The following CNTNAP2 variants were observed in gnomAD, a reference collection of about 807,000 sequenced individuals.
The protein encoded by CNTNAP2 is contactin associated protein 2, also known as contactin-associated protein-like 2.
Under a neutral mutation model 155.2 loss-of-function variants are expected in CNTNAP2, and 98 were observed. The ratio of observed to expected loss-of-function variants is 0.63; its 90% confidence interval spans 0.54 to 0.75. The LOEUF is 0.75. Among genes scored for constraint, CNTNAP2 ranks in the 30% least tolerant of loss-of-function variants. CNTNAP2 has a pLI of 0.00. For missense variants in CNTNAP2, 1,727 were observed against 1,688.1 expected (o/e 1.02, Z -0.40); for synonymous variants, 651 against 631.2 (o/e 1.03, Z -0.47).
At chr7:146,873,961 T>A (rs369618351) in intron 3 of CNTNAP2, among the ~76,000 whole-genome samples, 1 of 152,170 alleles carries the variant, frequency 6.6e-6, no homozygotes, top group Admixed American at 6.6e-5. Context: ...CCTACAAGAG[T>A]TCATGATTTG....
intron 11 of CNTNAP2, among the ~76,000 whole-genome samples, chr7:147,490,788 T>C (rs1425581417): frequency 6.6e-6 from 1 of 152,188 alleles, no homozygotes; most frequent in Admixed American, 6.5e-5. Flanking sequence ...GAAAAGGGGT[T>C]TGACTCACAG....
rs371884594 is a variant in CNTNAP2 at position 148,330,992 on chromosome 7, C to T, written c.3476-52657C>T. Among the ~76,000 whole-genome samples the T allele has an allele frequency of 8.2e-4, 104 of 126,072 alleles. 2 individuals carry two copies. The highest frequency in any genetic ancestry group is 2.8e-3 in the African/African-American group (89 of 31,664). The allele number at this position is 126,072 out of a possible 152,430, so 82.7% of individuals were successfully genotyped here. A position where few individuals can be genotyped will look rare whatever the true frequency, so the allele number is the denominator to read the frequency against. On this transcript the variant is annotated intron_variant, in intron 21 of 23. Coordinates refer to ENST00000361727, the MANE Select transcript of CNTNAP2 (RefSeq NM_014141.6). ...GGATAGAGTAGATGGATGGAATGAA[C>T]GCATGGAATGAATGGATGGAATGGA...
chr7:148,012,065 T>C (rs918786611), intron 15 of CNTNAP2, among the ~76,000 whole-genome samples: 1 of 152,146 alleles, frequency 6.6e-6, no homozygotes, highest in African/African-American at 2.4e-5. Context: ...TCTTCCCCAT[T>C]TTTTTGGTTT....
chr7:148,268,603 C>T (rs575121077), intron 21 of CNTNAP2, among the ~76,000 whole-genome samples: 402 of 151,942 alleles, frequency 2.6e-3, no homozygotes, highest in Non-Finnish European at 5.0e-3. Flanking sequence ...TACAGTGAGC[C>T]GAGATCACGC....
chr7:147,124,196 A>G lies in CNTNAP2; in HGVS notation c.939+3033A>G, dbSNP rs900348561. Among the ~76,000 whole-genome samples the G allele has an allele frequency of 2.0e-5, 3 of 152,174 alleles. No homozygotes were observed. In the South Asian group the frequency reaches 6.2e-4, roughly 32 times the overall value. The stretch of plus-strand genomic sequence containing the variant: ...TTAGCTTCAAACCTAAAATAATACA[A>G]ATTATACAACATTCATTCCTGAACT... On this transcript the variant is annotated intron_variant, in intron 6 of 23. Transcript: ENST00000361727.
At chr7:147,145,844 C>T (rs1801691058) in intron 8 of CNTNAP2, among the ~76,000 whole-genome samples, 1 of 152,150 alleles carries the variant, frequency 6.6e-6, no homozygotes, top group Admixed American at 6.5e-5. Context: ...TGGGTATGGT[C>T]AGAATAAAGT....
At chr7:147,807,322 C>CA (rs768465391) in intron 13 of CNTNAP2, among the ~76,000 whole-genome samples, 1,392 of 64,648 alleles carry the variant, frequency 0.022, 21 homozygotes, top group African/African-American at 0.051. Context: ...GTCCTTGACT[C>CA]AAAAAAAAAA....
At chr7:148,136,762 G>GA (rs1258019985) in intron 16 of CNTNAP2, among the ~76,000 whole-genome samples, 1 of 152,056 alleles carries the variant, frequency 6.6e-6, no homozygotes, top group Non-Finnish European at 1.5e-5. Flanking sequence ...CTACTCTACA[G>GA]AAAAATCATG....
At chr7:147,601,643 A>AT (rs1563016493) in intron 12 of CNTNAP2, among the ~76,000 whole-genome samples, 14 of 88,564 alleles carry the variant, frequency 1.6e-4, no homozygotes, top group Non-Finnish European at 2.4e-4. Context: ...TCTTAAAAAA[A>AT]AATATATATA....
intron 3 of CNTNAP2, among the ~76,000 whole-genome samples, chr7:146,843,735 CAAA>C (rs34758050): frequency 6.6e-6 from 1 of 151,054 alleles, no homozygotes; most frequent in East Asian, 1.9e-4. Flanking sequence ...TTACAAATTT[CAAA>C]AAAAAGTACT....
chr7:147,158,648 G>C (rs1168345526), intron 8 of CNTNAP2, among the ~76,000 whole-genome samples: 2 of 152,032 alleles, frequency 1.3e-5, no homozygotes, highest in Non-Finnish European at 2.9e-5. Flanking sequence ...TTGTGTCTCA[G>C]AGTGATTTTT....
chr7:146,544,789 G>A (rs1798005429), intron 1 of CNTNAP2, among the ~76,000 whole-genome samples: 1 of 151,776 alleles, frequency 6.6e-6, no homozygotes, highest in South Asian at 2.1e-4. Context: ...GTGAAAATGT[G>A]GTTCTTGCTA....
chr7:146,799,996 ATAACATAG>A (rs1408825059), intron 2 of CNTNAP2, among the ~76,000 whole-genome samples: 2 of 152,030 alleles, frequency 1.3e-5, no homozygotes, highest in East Asian at 3.9e-4. Context: ...AAAATATATA[ATAACATAG>A]TAACATACTA....
intron 11 of CNTNAP2, among the ~76,000 whole-genome samples, chr7:147,519,177 C>T (rs1799185951): frequency 6.6e-6 from 1 of 152,098 alleles, no homozygotes; most frequent in Admixed American, 6.5e-5. Context: ...TTAAAATCAA[C>T]AGGAACGCAT....
intron 8 of CNTNAP2, among the ~76,000 whole-genome samples, chr7:147,238,237 C>T (rs757636903): frequency 1.3e-5 from 2 of 152,042 alleles, no homozygotes; most frequent in African/African-American, 4.8e-5. Context: ...GGATGGTCTC[C>T]ATCTCCTGAC....
At chr7:146,564,319 A>G (rs1798324623) in intron 1 of CNTNAP2, among the ~76,000 whole-genome samples, 1 of 152,008 alleles carries the variant, frequency 6.6e-6, no homozygotes, top group African/African-American at 2.4e-5. Flanking sequence ...TGTACTCTCA[A>G]TATTACCTTA....
At chr7:147,221,357 C>G (rs1013508463) in intron 8 of CNTNAP2, among the ~76,000 whole-genome samples, 1 of 151,992 alleles carries the variant, frequency 6.6e-6, no homozygotes, top group African/African-American at 2.4e-5. Flanking sequence ...CACAAGATCC[C>G]AGAAAATGGG....
chr7:147,836,625 T>C (rs1798638641), intron 13 of CNTNAP2, among the ~76,000 whole-genome samples: 1 of 152,230 alleles, frequency 6.6e-6, no homozygotes, highest in Non-Finnish European at 1.5e-5. Flanking sequence ...TAATTTTTCA[T>C]TTATATTTCT....
At position 146,670,430 on chromosome 7, in the gene CNTNAP2, G is replaced by GA. The variant is rs964549713; in HGVS notation, c.98-103834dup. On this transcript the variant is annotated intron_variant, in intron 1 of 23. Coordinates refer to ENST00000361727, the MANE Select transcript of CNTNAP2 (RefSeq NM_014141.6). ...GATAGTCCTAAAATAGAAGCTAAGG[G>GA]AAAAAAACAAAACTCTCACTTCTAG... Among the ~76,000 whole-genome samples, 539 of 151,412 alleles carry GA rather than the reference G, an allele frequency of 3.6e-3. 25 individuals are homozygous for GA. Among genetic ancestry groups the GA allele is most frequent in the Admixed American group, 0.031 (468 of 15,202 alleles).
Sources: gnomAD v4.1 joint callset for allele counts (sites outside exome capture counted in the v4.1 genomes callset) on GRCh38, gnomAD v4.1.1 for gene constraint, MANE v1.5 for transcripts, NCBI Gene and HGNC (gene_info 2026-07-23, HGNC 2026-07-21) for gene names.